Variants in MYOM3 observed in about 807,000 individuals in gnomAD.
MYOM3 encodes myomesin-3.
MYOM3 carries 155 observed loss-of-function variants against 191.7 expected under a neutral mutation model. That is an observed-to-expected ratio of 0.81 (90% CI 0.71 to 0.92). The LOEUF (loss-of-function observed/expected upper bound fraction) is 0.92, where lower values mean the gene tolerates loss of function less well. Ranked by LOEUF, MYOM3 falls within the 40% of genes least tolerant of loss-of-function variation. The pLI, the probability that MYOM3 is intolerant of heterozygous loss-of-function variation, is 0.00. For synonymous variants in MYOM3, 757 were observed against 762.9 expected (o/e 0.99, Z 0.13); for missense variants, 1,889 against 1,890.6 (o/e 1.00, Z 0.02).
At chr1:24,069,959 CAAAT>C (rs1289296356) in intron 25 of MYOM3, among the ~76,000 whole-genome samples, 3 of 151,936 alleles carry the variant, frequency 2.0e-5, no homozygotes, top group African/African-American at 4.9e-5. Context: ...ATGAAATTCA[CAAAT>C]AATATGAGAT....
chr1:24,068,388 A>C lies in MYOM3; in HGVS notation c.3151-21T>G, dbSNP rs779108922. 2.5e-6 allele frequency: 4 copies of C among 1,613,896 alleles called. No individual in the cohort carries two copies. In the Admixed American group the frequency reaches 6.7e-5, roughly 27 times the overall value. On this transcript the variant is annotated intron_variant, in intron 25 of 36. Transcript: ENST00000374434. ...CGGTTCTGAAAAGGACAAACTCCAG[A>C]GTCCTTTTCCCTGTTCTGGGAACTT...
At chr1:24,109,024 T>C (rs1277743463) in intron 1 of MYOM3, among the ~76,000 whole-genome samples, 1 of 152,206 alleles carries the variant, frequency 6.6e-6, no homozygotes, top group Non-Finnish European at 1.5e-5. Context: ...CAATGAGTAA[T>C]TGAAACTGTG....
chr1:24,099,878 G>T (rs1643900294), intron 5 of MYOM3, 103 bp from the exon 6 acceptor site: 4 of 859,540 alleles, frequency 4.7e-6, no homozygotes, highest in Non-Finnish European at 7.6e-6. Context: ...GTTTTGTTTT[G>T]TTTTTTTGAG....
intron 16 of MYOM3, chr1:24,084,066 G>A (rs755909445): frequency 5.0e-6 from 1 of 201,506 alleles, no homozygotes; most frequent in Non-Finnish European, 1.0e-5. Context: ...GGGTGATCTG[G>A]TTTGGCTCTG....
intron 5 of MYOM3, among the ~76,000 whole-genome samples, chr1:24,101,482 C>T (rs1308851557): frequency 7.9e-5 from 12 of 152,220 alleles, no homozygotes; most frequent in Admixed American, 7.8e-4. Flanking sequence ...TGTGGTGGCT[C>T]ATGCCTGTAA....
At chr1:24,099,283 C>T (rs1256864450) in intron 6 of MYOM3, among the ~76,000 whole-genome samples, 3 of 152,196 alleles carry the variant, frequency 2.0e-5, no homozygotes, top group Non-Finnish European at 2.9e-5. Flanking sequence ...TGCATGTATG[C>T]ATATGTGTGT....
At chr1:24,073,347 A>C (rs1348881123) in intron 23 of MYOM3, among the ~76,000 whole-genome samples, 3 of 152,180 alleles carry the variant, frequency 2.0e-5, no homozygotes, top group Admixed American at 2.0e-4. Context: ...AGAGTGTCTC[A>C]TCTGTTGTGA....
Position 24,057,247 on chromosome 1 carries a change from T to C in MYOM3, c.*117A>G. The C allele has an allele frequency of 9.5e-7, 1 of 1,050,500 alleles. No individual in the cohort carries two copies. The highest frequency in any genetic ancestry group is 1.4e-6 in the Non-Finnish European group (1 of 728,078). The allele number at this position is 1,050,500 out of a possible 1,614,324, so 65.1% of individuals were successfully genotyped here. ...CCCCACCCTCACATCCTGGGTTCTA[T>C]CTTGTCCCCTTTCCTTCTGCCCCAC... is the stretch of plus-strand genomic sequence containing the variant. On this transcript the variant is annotated 3_prime_UTR_variant, in exon 37 of 37. Transcript: ENST00000374434.
chr1:24,057,132 C>T lies in MYOM3; in HGVS notation c.*232G>A, dbSNP rs1643311553. On this transcript the variant is annotated 3_prime_UTR_variant, in exon 37 of 37. Coordinates refer to ENST00000374434, the MANE Select transcript of MYOM3 (RefSeq NM_152372.4). ...AGCCCCAGTGCATCCGGGTCTCCTA[C>T]TCCAGGTCCAGGGTTCATCCCGCTC... 3.6e-6 allele frequency: 2 copies of T among 562,128 alleles called. No individual in the cohort carries two copies. The highest frequency in any genetic ancestry group is 3.2e-5 in the Admixed American group (1 of 31,378). The allele number at this position is 562,128 out of a possible 1,614,324, so 34.8% of individuals were successfully genotyped here.
At chr1:24,108,790 T>A (rs1644017070) in intron 1 of MYOM3, 136 bp from the exon 2 acceptor site, 1 of 626,212 alleles carries the variant, frequency 1.6e-6, no homozygotes, top group Non-Finnish European at 2.7e-6. Flanking sequence ...ACAGGGAAAC[T>A]GAGGTCTGAG....
intron 9 of MYOM3, among the ~76,000 whole-genome samples, chr1:24,094,168 CTTT>C (rs746164315): frequency 0.015 from 1,841 of 126,252 alleles, 47 homozygotes; most frequent in African/African-American, 0.048. Context: ...CCCTCACTCA[CTTT>C]TTTTTTTTTT....
Position 24,076,182 on chromosome 1 carries a change from G to T in MYOM3, c.2678C>A (p.Pro893His). 1.2e-6 allele frequency: 2 copies of T among 1,614,100 alleles called. No individual in the cohort carries two copies. Among genetic ancestry groups the T allele is most frequent in the Non-Finnish European group, 1.7e-6 (2 of 1,179,972 alleles). Reference protein sequence around the residue: ...GLGQPSMPTDPVLLEDKPGAH... With the variant: ...GLGQPSMPTDHVLLEDKPGAH... ...ACCTGGCTTGTCCTCCAGGAGCACGGGATCAGTGGGCATGGACGGTTGCCC... is the reference window on the plus strand; with the variant it reads ...ACCTGGCTTGTCCTCCAGGAGCACGTGATCAGTGGGCATGGACGGTTGCCC... The change falls in exon 21 of 37, where the codon CCC (proline) becomes CAC (histidine). Residue 893 changes from proline (P) to histidine (H), a missense_variant. Physicochemically the swap from Pro to His is moderately conservative, Grantham distance 77. Coordinates refer to ENST00000374434, the MANE Select transcript of MYOM3 (RefSeq NM_152372.4).
intron 4 of MYOM3, among the ~76,000 whole-genome samples, chr1:24,106,420 G>A (rs1186925011): frequency 6.6e-6 from 1 of 152,162 alleles, no homozygotes; most frequent in Non-Finnish European, 1.5e-5. Context: ...AGCTGGGGAG[G>A]GAGTGTGGAG....
chr1:24,072,155 CT>C, intron 23 of MYOM3, 142 bp from the exon 24 acceptor site: 5 of 778,014 alleles, frequency 6.4e-6, no homozygotes, highest in African/African-American at 1.7e-5. Context: ...GGTTCCTTGG[CT>C]CCATAGGGGC....
intron 20 of MYOM3, among the ~76,000 whole-genome samples, chr1:24,078,160 C>G (rs1643624341): frequency 6.7e-6 from 1 of 149,896 alleles, no homozygotes; most frequent in African/African-American, 2.5e-5. Context: ...TGCTCTGTGG[C>G]AGGGAGTGCA....
At position 24,080,004 on chromosome 1, in the gene MYOM3, A is replaced by T; in HGVS notation, c.2586+12T>A. 6.2e-7 allele frequency: 1 copy of T among 1,603,198 alleles called. No individual in the cohort carries two copies. On this transcript the variant is annotated intron_variant, in intron 20 of 36. Transcript: ENST00000374434. ...TCAGGGCCAGTCAGAAGATGAAGGC[A>T]TAAGAACTTACCCTCAGGTGGGTGC... is the stretch of plus-strand genomic sequence containing the variant.
At chr1:24,109,893 G>T (rs1305276587) in intron 1 of MYOM3, among the ~76,000 whole-genome samples, 2 of 152,194 alleles carry the variant, frequency 1.3e-5, no homozygotes, top group Non-Finnish European at 1.5e-5. Flanking sequence ...CCTTATAAGG[G>T]GATTGCAATG....
chr1:24,068,480 G>T, intron 25 of MYOM3, 113 bp from the exon 26 acceptor site: 2 of 1,309,400 alleles, frequency 1.5e-6, no homozygotes, highest in Non-Finnish European at 2.1e-6. Flanking sequence ...TCAGCCTTCA[G>T]AGACTGGGGC....
In MYOM3 at chr1:24,076,286, G is replaced by C. The variant is rs772057718; in HGVS notation, c.2587-13C>G. ...GCAAGTCGGAAACCTGGGGGCAGAG[G>C]GCAAGAGCCAGCACTGAGGACAGCA... On this transcript the variant is annotated splice_polypyrimidine_tract_variant and intron_variant, in intron 20 of 36. Transcript: ENST00000374434. 3.1e-5 allele frequency: 49 copies of C among 1,602,728 alleles called. No individual in the cohort carries two copies. The African/African-American group carries it at 5.8e-4, about 19-fold the overall frequency.
Sources: allele counts gnomAD v4.1 joint callset (sites outside exome capture counted in the v4.1 genomes callset), GRCh38; gene constraint gnomAD v4.1.1; transcripts MANE v1.5; gene names NCBI Gene and HGNC (gene_info 2026-07-23, HGNC 2026-07-21).